The following ARHGAP23 variants were observed in gnomAD, a reference collection of about 807,000 sequenced individuals.
ARHGAP23 encodes the protein Rho GTPase activating protein 23, also known as rho GTPase-activating protein 23.
In ARHGAP23, 34 loss-of-function variants were observed where a neutral mutation model predicts 136.3. That is an observed-to-expected ratio of 0.25 (90% CI 0.19 to 0.33). ARHGAP23 has a LOEUF of 0.33. ARHGAP23 is among the 10% of genes least tolerant of loss of function. The pLI, the probability that ARHGAP23 is intolerant of heterozygous loss-of-function variation, is 1.00. For missense variants in ARHGAP23, 1,808 were observed against 2,139.0 expected (o/e 0.85, Z 3.05); for synonymous variants, 832 against 920.5 (o/e 0.90, Z 1.74).
At chr17:38,483,225 G>T (rs779233738) in intron 16 of ARHGAP23, among the ~76,000 whole-genome samples, 4 of 152,176 alleles carry the variant, frequency 2.6e-5, no homozygotes, top group Non-Finnish European at 4.4e-5. Flanking sequence ...GCTAGATATT[G>T]CCTACAGACC....
At chr17:38,472,507 T>C (rs1259468385) in intron 11 of ARHGAP23, among the ~76,000 whole-genome samples, 2 of 150,920 alleles carry the variant, frequency 1.3e-5, no homozygotes, top group East Asian at 1.9e-4. Flanking sequence ...GGGGCCATGC[T>C]GGAGGCAAGA....
At chr17:38,443,688 G>T (rs1263956747) in intron 1 of ARHGAP23, among the ~76,000 whole-genome samples, 1 of 151,810 alleles carries the variant, frequency 6.6e-6, no homozygotes, top group Non-Finnish European at 1.5e-5. Flanking sequence ...GCAGGGCTGG[G>T]GTGAGGGGGT....
chr17:38,439,378 C>T (rs189318606), intron 1 of ARHGAP23, among the ~76,000 whole-genome samples: 35 of 152,296 alleles, frequency 2.3e-4, no homozygotes, highest in African/African-American at 7.2e-4. Context: ...CTCCTCTGTG[C>T]GCTAGACCTT....
chr17:38,437,223 T>TG (rs1250252221), intron 1 of ARHGAP23, among the ~76,000 whole-genome samples: 1 of 150,668 alleles, frequency 6.6e-6, no homozygotes, highest in East Asian at 2.0e-4. Context: ...TTTTTTTTTT[T>TG]GAGAGAGGGT....
At chr17:38,489,144 T>C (rs2040218081) in intron 17 of ARHGAP23, among the ~76,000 whole-genome samples, 1 of 152,232 alleles carries the variant, frequency 6.6e-6, no homozygotes, top group Non-Finnish European at 1.5e-5. Flanking sequence ...CCTTCCAAAG[T>C]GCTGGGATTA....
chr17:38,468,902 C>T (rs1034109861), intron 7 of ARHGAP23, among the ~76,000 whole-genome samples: 14 of 152,180 alleles, frequency 9.2e-5, no homozygotes, highest in African/African-American at 3.1e-4. Flanking sequence ...GGAATATTGG[C>T]TCTGTCCTCT....
chr17:38,499,312 C>T (rs184266959), intron 22 of ARHGAP23, among the ~76,000 whole-genome samples: 1 of 152,222 alleles, frequency 6.6e-6, no homozygotes, highest in Non-Finnish European at 1.5e-5. Context: ...AGCGATGCCA[C>T]GCCCAGAAGC....
At chr17:38,426,550 C>CAAAAAAAAAAAAAAAAAAAAAAAAAAAA (rs751365956), upstream of ARHGAP23, among the ~76,000 whole-genome samples, 14 of 51,228 alleles carry the variant, frequency 2.7e-4, no homozygotes, top group Non-Finnish European at 3.6e-4. Context: ...AACTCCATCT[C>CAAAAAAAAAAAAAAAAAAAAAAAAAAAA]AAAAAAAAAA....
At position 38,510,977 on chromosome 17, in the gene ARHGAP23, C is replaced by T; in HGVS notation, c.*5C>T. 1 of 1,428,860 alleles carries T rather than the reference C, an allele frequency of 7.0e-7. No homozygotes were observed. The highest frequency in any genetic ancestry group is 9.1e-7 in the Non-Finnish European group (1 of 1,104,060). 88.5% of individuals were successfully genotyped at this position (1,428,860 alleles called of 1,614,324 possible). A position where few individuals can be genotyped will look rare whatever the true frequency, so the allele number is the denominator to read the frequency against. On this transcript the variant is annotated 3_prime_UTR_variant, in exon 24 of 24. Transcript: ENST00000622683. This position sits in a 1 kb window ranked among gnomAD's most constrained non-coding sequence, Gnocchi z 4.6. ...CGCCTGCATCAGTGTCTGTGATCCC[C>T]ACCTCCCGCGCCGCTCGGGCGCCAC...
At chr17:38,435,145 G>C (rs6503617) in intron 1 of ARHGAP23, among the ~76,000 whole-genome samples, 1,737 of 152,338 alleles carry the variant, frequency 0.011, 28 homozygotes, top group African/African-American at 0.038. Context: ...AGGCCAAGGG[G>C]ATAGAGCAGA....
chr17:38,500,318 C>A (rs534087395), intron 22 of ARHGAP23: 6 of 519,420 alleles, frequency 1.2e-5, no homozygotes, highest in Non-Finnish European at 2.1e-5. Flanking sequence ...AGACAATGCC[C>A]CCTTGCCCTT....
At chr17:38,423,603 C>G (rs1427509717), upstream of ARHGAP23, among the ~76,000 whole-genome samples, 1 of 152,098 alleles carries the variant, frequency 6.6e-6, no homozygotes, top group Non-Finnish European at 1.5e-5. Context: ...GAACTCCTGA[C>G]CTCAAGTGAT....
Position 38,510,779 on chromosome 17 carries a change from G to T in ARHGAP23, c.4283G>T (p.Gly1428Val). The T allele has an allele frequency of 6.7e-7, 1 of 1,499,718 alleles. No individual in the cohort carries two copies. The allele number at this position is 1,499,718 out of a possible 1,614,324, so 92.9% of individuals were successfully genotyped here. A position where few individuals can be genotyped will look rare whatever the true frequency, so the allele number is the denominator to read the frequency against. The change falls in exon 24 of 24, where the codon GGG becomes GTG. Residue 1428 changes from glycine (G) to valine (V), a missense_variant. Coordinates refer to ENST00000622683, the MANE Select transcript of ARHGAP23 (RefSeq NM_001199417.2). The surrounding 1 kb of genome is among the most constrained non-coding windows in gnomAD (Gnocchi z 4.6). The part of the protein sequence containing the change: ...NFNEWKELGG[G>V]GPPEPAGARA... ...AACGAGTGGAAGGAGCTGGGCGGAG[G>T]GGGCCCCCCGGAGCCTGCGGGCGCG...
rs180871140 is a variant in ARHGAP23 at position 38,505,155 on chromosome 17, C to A, written c.3447+4527C>A. Among the ~76,000 whole-genome samples the A allele has an allele frequency of 5.8e-3, 880 of 151,566 alleles. 10 individuals carry two copies. Among genetic ancestry groups the A allele is most frequent in the African/African-American group, 0.021 (849 of 41,266 alleles). ...GAGTTAGCTGGACTACAGGCACACA[C>A]CACCACTCCTGCCTAATGTTTTTGT... On this transcript the variant is annotated intron_variant, in intron 23 of 23. Transcript: ENST00000622683.
chr17:38,438,113 G>T (rs904305330), intron 1 of ARHGAP23, among the ~76,000 whole-genome samples: 1 of 152,222 alleles, frequency 6.6e-6, no homozygotes, highest in Non-Finnish European at 1.5e-5. Flanking sequence ...ACGAGGGCAA[G>T]AGATCGAGAC....
chr17:38,469,645 T>C lies in ARHGAP23; in HGVS notation c.1916+10T>C, dbSNP rs1275299456. On this transcript the variant is annotated intron_variant, in intron 9 of 23. Transcript: ENST00000622683. ...AGGGCCGGGTTCTGCGGTGAGGCCC[T>C]GTCCGGACACGGGGTGGGGTGGCCA... 1.1e-5 allele frequency: 17 copies of C among 1,547,834 alleles called. No individual in the cohort carries two copies. Among genetic ancestry groups the C allele is most frequent in the Middle Eastern group, 4.6e-4 (2 of 4,356 alleles).
intron 23 of ARHGAP23, among the ~76,000 whole-genome samples, chr17:38,504,259 T>C (rs1359630210): frequency 6.6e-6 from 1 of 152,124 alleles, no homozygotes; most frequent in Non-Finnish European, 1.5e-5. Context: ...AGGCTGCCGG[T>C]CTATTAAGTA....
chr17:38,466,099 G>A (rs2039585175), intron 6 of ARHGAP23, 68 bp from the exon 7 acceptor site: 3 of 1,315,944 alleles, frequency 2.3e-6, no homozygotes, highest in Non-Finnish European at 2.9e-6. Context: ...TGACCTCCTC[G>A]GGCTGCCGTT....
upstream of ARHGAP23, chr17:38,428,412 C>T: frequency 1.2e-6 from 1 of 801,110 alleles, no homozygotes; most frequent in Non-Finnish European, 1.7e-6. Flanking sequence ...GGCCCCGCCC[C>T]CGGCCCCGCC....
Sources: gnomAD v4.1 joint callset for allele counts (sites outside exome capture counted in the v4.1 genomes callset) on GRCh38, gnomAD v4.1.1 for gene constraint, Gnocchi (gnomAD v3.1) non-coding constraint, MANE v1.5 for transcripts, NCBI Gene and HGNC (gene_info 2026-07-23, HGNC 2026-07-21) for gene names.